The following RTF2 variants were observed in gnomAD, a reference collection of about 807,000 sequenced individuals.
RTF2 encodes the protein replication termination factor 2.
Under a neutral mutation model 38.0 loss-of-function variants are expected in RTF2, and 18 were observed. That is an observed-to-expected ratio of 0.47 (90% CI 0.33 to 0.70). The LOEUF (loss-of-function observed/expected upper bound fraction) is 0.70, where lower values mean the gene tolerates loss of function less well. RTF2 is among the 30% of genes least tolerant of loss of function. The pLI, the probability that RTF2 is intolerant of heterozygous loss-of-function variation, is 0.02. For missense variants in RTF2, 311 were observed against 379.6 expected (o/e 0.82, Z 1.50); for synonymous variants, 126 against 137.1 (o/e 0.92, Z 0.57).
At chr20:56,488,909 C>T (rs1483523254) in intron 5 of RTF2, among the ~76,000 whole-genome samples, 3 of 152,178 alleles carry the variant, frequency 2.0e-5, no homozygotes, top group African/African-American at 2.4e-5. Context: ...CCTCTCAAGC[C>T]TCCCTGCCTC....
intron 5 of RTF2, among the ~76,000 whole-genome samples, chr20:56,493,656 CAAAAA>C (rs57274640): frequency 8.5e-6 from 1 of 118,062 alleles, no homozygotes. Context: ...GACCCTGTCT[CAAAAA>C]AAAAAAAAAA....
chr20:56,517,025 T>C (rs1344800713), intron 7 of RTF2, 36 bp downstream of exon 7: 1 of 1,610,186 alleles, frequency 6.2e-7, no homozygotes, highest in African/African-American at 1.3e-5. Context: ...TTTAGCAAAA[T>C]GCGACTCTAG....
chr20:56,502,755 G>T (rs1283424791), intron 5 of RTF2, among the ~76,000 whole-genome samples: 1 of 152,164 alleles, frequency 6.6e-6, no homozygotes, highest in Non-Finnish European at 1.5e-5. Flanking sequence ...GTTTCTGAGA[G>T]CTTTACTTTT....
intron 1 of RTF2, chr20:56,471,611 C>G (rs1216826363): frequency 1.3e-5 from 2 of 152,172 alleles, no homozygotes; most frequent in Non-Finnish European, 2.9e-5. Flanking sequence ...CTTGTCTTTC[C>G]AGTACAGATA....
At chr20:56,505,148 G>A (rs546657150) in intron 5 of RTF2, among the ~76,000 whole-genome samples, 2 of 152,190 alleles carry the variant, frequency 1.3e-5, no homozygotes, top group South Asian at 4.2e-4. Context: ...CAGCTTGTGA[G>A]GTCTTGCTGT....
intron 4 of RTF2, among the ~76,000 whole-genome samples, chr20:56,482,253 A>T (rs931666219): frequency 1.3e-5 from 2 of 152,262 alleles, no homozygotes; most frequent in South Asian, 2.1e-4. Flanking sequence ...CAGGTCTCTG[A>T]TATAAAATGG....
chr20:56,483,999 G>A (rs544690447), intron 4 of RTF2, 112 bp from the exon 5 acceptor site: 12 of 807,060 alleles, frequency 1.5e-5, no homozygotes, highest in Non-Finnish European at 2.4e-5. Flanking sequence ...TTTTAATAGA[G>A]TAAAATGTAA....
chr20:56,511,791 C>T (rs770567451), intron 5 of RTF2, among the ~76,000 whole-genome samples: 13 of 151,940 alleles, frequency 8.6e-5, no homozygotes, highest in Non-Finnish European at 1.6e-4. Flanking sequence ...ACTGCACTTG[C>T]GTTAGACCCC....
intron 1 of RTF2, among the ~76,000 whole-genome samples, chr20:56,473,081 A>G (rs1490117513): frequency 2.0e-5 from 3 of 152,166 alleles, no homozygotes; most frequent in African/African-American, 7.2e-5. Flanking sequence ...CAGTGAGTGA[A>G]GATTGCGCCA....
chr20:56,477,770 G>T (rs201739267), intron 4 of RTF2, among the ~76,000 whole-genome samples: 2 of 152,172 alleles, frequency 1.3e-5, no homozygotes, highest in African/African-American at 2.4e-5. Flanking sequence ...CTCCCAAAGC[G>T]CTGGGATAAC....
intron 5 of RTF2, chr20:56,495,319 C>T (rs1600813759): frequency 2.6e-6 from 4 of 1,522,054 alleles, no homozygotes; most frequent in Non-Finnish European, 3.6e-6. Context: ...ACAAAACCAG[C>T]ATTCAGTGTG....
chr20:56,473,481 C>A, intron 2 of RTF2, 86 bp downstream of exon 2: 1 of 972,662 alleles, frequency 1.0e-6, no homozygotes, highest in Non-Finnish European at 1.6e-6. Context: ...ATTCATCAAG[C>A]GTGGATTATC....
chr20:56,470,752 G>A, intron 1 of RTF2: 1 of 442,216 alleles, frequency 2.3e-6, no homozygotes, highest in South Asian at 1.6e-5. Flanking sequence ...TGCCTACGTG[G>A]TGGGGTCTCC....
intron 5 of RTF2, among the ~76,000 whole-genome samples, chr20:56,506,947 G>A (rs530719376): frequency 7.2e-5 from 11 of 152,232 alleles, no homozygotes; most frequent in Admixed American, 5.2e-4. Flanking sequence ...TGATCCGCCC[G>A]CCTCGGCCTT....
At chr20:56,487,281 A>C (rs571154993) in intron 5 of RTF2, among the ~76,000 whole-genome samples, 28 of 152,312 alleles carry the variant, frequency 1.8e-4, no homozygotes, top group African/African-American at 6.0e-4. Flanking sequence ...CTCTGAGATT[A>C]TATCGTTGGT....
chr20:56,472,499 G>A (rs1438848637), intron 1 of RTF2: 4 of 745,882 alleles, frequency 5.4e-6, no homozygotes, highest in Non-Finnish European at 7.0e-6. Context: ...GTATCCCTTA[G>A]TGAATAAGCC....
chr20:56,488,250 A>G (rs535179541), intron 5 of RTF2, among the ~76,000 whole-genome samples: 1 of 152,152 alleles, frequency 6.6e-6, no homozygotes, highest in South Asian at 2.1e-4. Context: ...AGTCCGAACT[A>G]CTTAGGAGAC....
At chr20:56,494,847 C>T (rs1323374369) in intron 5 of RTF2, among the ~76,000 whole-genome samples, 1 of 152,168 alleles carries the variant, frequency 6.6e-6, no homozygotes, top group Non-Finnish European at 1.5e-5. Flanking sequence ...AACCCAAGGT[C>T]TCTACCCAAA....
At chr20:56,469,191 C>G (rs997389547) in intron 1 of RTF2, among the ~76,000 whole-genome samples, 2 of 152,156 alleles carry the variant, frequency 1.3e-5, no homozygotes, top group Non-Finnish European at 2.9e-5. Flanking sequence ...CTCAGAGAAG[C>G]CTTCCCAAAC....
Sources: gnomAD v4.1 joint callset for allele counts (sites outside exome capture counted in the v4.1 genomes callset) on GRCh38, gnomAD v4.1.1 for gene constraint, MANE v1.5 for transcripts, NCBI Gene and HGNC (gene_info 2026-07-23, HGNC 2026-07-21) for gene names.